Variants in UGT1A5 observed in about 807,000 individuals in gnomAD.
UGT1A5 encodes UDP-glucuronosyltransferase 1A5.
UGT1A5 carries 29 observed loss-of-function variants against 40.3 expected under a neutral mutation model. The ratio of observed to expected loss-of-function variants is 0.72; its 90% confidence interval spans 0.54 to 0.98. UGT1A5 has a LOEUF of 0.98. Among genes scored for constraint, UGT1A5 ranks in the 50% least tolerant of loss-of-function variants. The probability of loss-of-function intolerance (pLI) is 0.00; values close to 1 mark genes in which losing one functional copy is unlikely to be tolerated. For synonymous variants in UGT1A5, 257 were observed against 262.5 expected, an observed-to-expected ratio of 0.98 and a Z score of 0.20; for missense variants, 678 against 677.9, an observed-to-expected ratio of 1.00 and a Z score of 0.00.
chr2:233,743,667 C>T lies in UGT1A5; in HGVS notation c.868-23367C>T, dbSNP rs201017854. 1.1e-4 allele frequency: 149 copies of T among 1,367,202 alleles called. 1 individual carries two copies. The highest frequency in any genetic ancestry group is 3.2e-4 in the East Asian group (7 of 21,982). The allele number at this position is 1,367,202 out of a possible 1,614,324, so 84.7% of individuals were successfully genotyped here. A position where few individuals can be genotyped will look rare whatever the true frequency, so the allele number is the denominator to read the frequency against. Reference sequence around the variant, plus strand: ...CTGAAGACGTACTCGAAGGGGTCCTCGAAGGGCCTGCCGCCTGTGCAGCCG... The same window carrying T: ...CTGAAGACGTACTCGAAGGGGTCCTTGAAGGGCCTGCCGCCTGTGCAGCCG... On this transcript the variant is annotated intron_variant, in intron 1 of 4. Coordinates refer to ENST00000373414, the MANE Select transcript of UGT1A5 (RefSeq NM_019078.2).
intron 1 of UGT1A5, chr2:233,719,540 G>A (rs1488835292): frequency 1.9e-6 from 3 of 1,613,770 alleles, no homozygotes; most frequent in Non-Finnish European, 1.7e-6. Flanking sequence ...AGCTTTTTCA[G>A]AGAGAGGTGT....
chr2:233,754,001 T>G (rs1457314312), intron 1 of UGT1A5, among the ~76,000 whole-genome samples: 1 of 152,230 alleles, frequency 6.6e-6, no homozygotes, highest in Non-Finnish European at 1.5e-5. Context: ...GTTTGGGTAA[T>G]TTGTTACAGC....
At chr2:233,728,994 A>G in intron 1 of UGT1A5, 1 of 1,552,012 alleles carries the variant, frequency 6.4e-7, no homozygotes, top group Non-Finnish European at 8.7e-7. Flanking sequence ...AATTAACTAG[A>G]GGAGGGCACT....
chr2:233,742,039 T>C (rs553186051), intron 1 of UGT1A5: 6 of 152,044 alleles, frequency 3.9e-5, no homozygotes, highest in African/African-American at 1.5e-4. Context: ...GTCCCAAGCA[T>C]AGCAATAGGA....
At chr2:233,739,217 T>C (rs913655982) in intron 1 of UGT1A5, among the ~76,000 whole-genome samples, 1 of 152,096 alleles carries the variant, frequency 6.6e-6, no homozygotes, top group Non-Finnish European at 1.5e-5. Flanking sequence ...ATGGATAGAG[T>C]CCTTATAGAG....
chr2:233,741,695 G>A (rs565346181), intron 1 of UGT1A5: 1 of 152,016 alleles, frequency 6.6e-6, no homozygotes, highest in East Asian at 1.9e-4. Flanking sequence ...ATTACATGCA[G>A]AGTGGACTCT....
intron 1 of UGT1A5, chr2:233,740,870 A>G (rs528081181): frequency 3.3e-5 from 5 of 151,856 alleles, no homozygotes; most frequent in Non-Finnish European, 7.3e-5. Context: ...TTCTTTAAAT[A>G]AAATGCTCTT....
In UGT1A5 at chr2:233,767,082, TTC is replaced by T; in HGVS notation, c.920_921del (p.Ser307PhefsTer18). ...NASGEHGIVV[F>X]SLGSMVSEIP... ...TTCTGGAGAACATGGAATTGTGGTTTTCTCTTTGGGATCAATGGTCTCAGAAA... is the reference window on the plus strand; with the variant it reads ...TTCTGGAGAACATGGAATTGTGGTTTTCTTTGGGATCAATGGTCTCAGAAA... On this transcript the variant is annotated frameshift_variant, in exon 2 of 5. Coordinates refer to ENST00000373414, the MANE Select transcript of UGT1A5 (RefSeq NM_019078.2). LOFTEE classifies it high-confidence loss of function. The T allele has an allele frequency of 6.2e-7, 1 of 1,614,166 alleles. No homozygotes were observed. The highest frequency in any genetic ancestry group is 8.5e-7 in the Non-Finnish European group (1 of 1,180,030).
chr2:233,740,171 G>A (rs920285091), intron 1 of UGT1A5, among the ~76,000 whole-genome samples: 9 of 151,848 alleles, frequency 5.9e-5, no homozygotes, highest in African/African-American at 2.2e-4. Flanking sequence ...ATGTGGAACT[G>A]TGAGTCAATT....
rs532529523 is a variant in UGT1A5 at position 233,747,113 on chromosome 2, A to T, written c.868-19921A>T. 13 of 1,433,550 alleles carry T rather than the reference A, an allele frequency of 9.1e-6. No homozygotes were observed. The African/African-American group carries it at 1.3e-4, about 14-fold the overall frequency. 88.8% of individuals were successfully genotyped at this position (1,433,550 alleles called of 1,614,324 possible). ...CACTCTATCTTCCAATTACATGATGATTTGCTAAGTGGCTCAGTGACAAGG... is the reference window on the plus strand; with the variant it reads ...CACTCTATCTTCCAATTACATGATGTTTTGCTAAGTGGCTCAGTGACAAGG... On this transcript the variant is annotated intron_variant, in intron 1 of 4. Coordinates refer to ENST00000373414, the MANE Select transcript of UGT1A5 (RefSeq NM_019078.2).
chr2:233,758,920 T>C (rs1318517296), intron 1 of UGT1A5, among the ~76,000 whole-genome samples: 3 of 152,264 alleles, frequency 2.0e-5, no homozygotes, highest in Non-Finnish European at 4.4e-5. Flanking sequence ...TGCTCATCTT[T>C]CCCTTTTGAC....
chr2:233,725,909 C>T (rs2077482916), intron 1 of UGT1A5, among the ~76,000 whole-genome samples: 1 of 152,102 alleles, frequency 6.6e-6, no homozygotes, highest in Admixed American at 6.5e-5. Flanking sequence ...CTCACACCTG[C>T]AATTTCAGCC....
Position 233,767,923 on chromosome 2 carries a change from A to G in UGT1A5, c.1074A>G (p.Gln358=), listed in dbSNP as rs553243445. ...NNTILVKWLP[Q]NDLLGHPMTR... ...CGATACTTGTTAAGTGGCTACCCCA[A>G]AACGATCTGCTTGGTATGTTGGGCG... Residue 358 remains glutamine (Q), a synonymous_variant, in exon 3 of 5, where the codon CAA becomes CAG. Transcript: ENST00000373414. The G allele has an allele frequency of 2.8e-5, 45 of 1,614,102 alleles. No individual in the cohort carries two copies. The highest frequency in any genetic ancestry group is 1.6e-4 in the Middle Eastern group (1 of 6,084).
At chr2:233,748,394 G>T (rs1313890293) in intron 1 of UGT1A5, among the ~76,000 whole-genome samples, 1 of 151,804 alleles carries the variant, frequency 6.6e-6, no homozygotes, top group Non-Finnish European at 1.5e-5. Flanking sequence ...TTGGGAAGGA[G>T]CAGGGACACT....
At chr2:233,724,183 G>A (rs1455555189) in intron 1 of UGT1A5, among the ~76,000 whole-genome samples, 1,241 of 117,586 alleles carry the variant, frequency 0.011, 5 homozygotes, top group Non-Finnish European at 0.017. Flanking sequence ...TCTCCCTCCC[G>A]GACGGGGTGG....
Position 233,739,281 on chromosome 2 carries a change from G to C in UGT1A5, c.867+25423G>C, listed in dbSNP as rs576910081. Among the ~76,000 whole-genome samples the C allele has an allele frequency of 5.3e-5, 8 of 152,344 alleles. 1 individual carries two copies. The South Asian group carries it at 1.7e-3, about 32-fold the overall frequency. On this transcript the variant is annotated intron_variant, in intron 1 of 4. Transcript: ENST00000373414. ...AATGTGAGGTTGGAGCCCCCACACA[G>C]AGTCTCCACTGGGGCACTGCCTAGT...
At chr2:233,738,971 TG>T (rs2125819893) in intron 1 of UGT1A5, 1 of 152,378 alleles carries the variant, frequency 6.6e-6, no homozygotes, top group Admixed American at 6.5e-5. Context: ...CCCCCACTGC[TG>T]TGTGCAGCCT....
At chr2:233,717,412 CT>C (rs1379862017) in intron 1 of UGT1A5, among the ~76,000 whole-genome samples, 17 of 152,222 alleles carry the variant, frequency 1.1e-4, no homozygotes, top group African/African-American at 3.9e-4. Context: ...ATATGCCTCC[CT>C]TGAGCTGGGT....
chr2:233,735,338 T>G (rs1239211349), intron 1 of UGT1A5, among the ~76,000 whole-genome samples: 2 of 151,114 alleles, frequency 1.3e-5, no homozygotes, highest in Non-Finnish European at 3.0e-5. Context: ...CAACCCCTGC[T>G]TTTTTTTTGC....
Sources: allele counts gnomAD v4.1 joint callset (sites outside exome capture counted in the v4.1 genomes callset), GRCh38; gene constraint gnomAD v4.1.1; transcripts MANE v1.5; gene names NCBI Gene and HGNC (gene_info 2026-07-23, HGNC 2026-07-21).